Variants in HS6ST3 observed in about 807,000 individuals in gnomAD.
HS6ST3 encodes heparan sulfate 6-O-sulfotransferase 3, also known as heparan-sulfate 6-O-sulfotransferase 3.
Under a neutral mutation model 36.7 loss-of-function variants are expected in HS6ST3, and 12 were observed. That is an observed-to-expected ratio of 0.33 (90% CI 0.21 to 0.53). The LOEUF (loss-of-function observed/expected upper bound fraction) is 0.53. HS6ST3 is among the 20% of genes least tolerant of loss of function. The pLI, the probability that HS6ST3 is intolerant of heterozygous loss-of-function variation, is 0.95. For missense variants in HS6ST3, 584 were observed against 640.9 expected (o/e 0.91, Z 0.96); for synonymous variants, 240 against 257.5 (o/e 0.93, Z 0.65).
chr13:96,729,746 G>A (rs889141315), intron 1 of HS6ST3, among the ~76,000 whole-genome samples: 3 of 152,094 alleles, frequency 2.0e-5, no homozygotes, highest in African/African-American at 4.8e-5. Context: ...GATTACAGGC[G>A]TGAGCAACCA....
chr13:96,540,934 C>T (rs1260322615), intron 1 of HS6ST3, among the ~76,000 whole-genome samples: 1 of 152,144 alleles, frequency 6.6e-6, no homozygotes, highest in Non-Finnish European at 1.5e-5. Context: ...CATCTATGCG[C>T]AGATATATGT....
intron 1 of HS6ST3, among the ~76,000 whole-genome samples, chr13:96,799,986 A>ATATATATATATG (rs1566456853): frequency 7.2e-4 from 89 of 124,232 alleles, no homozygotes; most frequent in African/African-American, 2.6e-3. Flanking sequence ...ATATATGTAT[A>ATATATATATATG]TATATATATA....
At chr13:96,786,652 G>A (rs998472057) in intron 1 of HS6ST3, among the ~76,000 whole-genome samples, 1 of 152,054 alleles carries the variant, frequency 6.6e-6, no homozygotes, top group African/African-American at 2.4e-5. Flanking sequence ...TTGAATAAAA[G>A]TTACATACTT....
At chr13:96,391,083 T>C (rs1346702015) in intron 1 of HS6ST3, among the ~76,000 whole-genome samples, 1 of 152,222 alleles carries the variant, frequency 6.6e-6, no homozygotes, top group East Asian at 1.9e-4. Flanking sequence ...CGTGATCTTT[T>C]GGACTTCCTC....
At chr13:96,644,846 G>A (rs997572901) in intron 1 of HS6ST3, among the ~76,000 whole-genome samples, 2 of 151,882 alleles carry the variant, frequency 1.3e-5, no homozygotes, top group Non-Finnish European at 2.9e-5. Flanking sequence ...CTCTGGAATT[G>A]GTTTTCCCTC....
rs1456633597 is a variant in HS6ST3, at chr13:96,090,666, C to T, written c.-197C>T. Among the ~76,000 whole-genome samples, 1 of 147,212 alleles carries T rather than the reference C, an allele frequency of 6.8e-6. No homozygotes were observed. The highest frequency in any genetic ancestry group is 1.5e-5 in the Non-Finnish European group (1 of 66,264). On this transcript the variant is annotated 5_prime_UTR_variant, in exon 1 of 2. Transcript: ENST00000376705. ...AGCGCGCCGGCGCCCGCCTCCCCCG[C>T]CCGGCTCGCAGGCCCCGGCTCCTCA...
At chr13:96,450,201 T>C (rs1192989023) in intron 1 of HS6ST3, among the ~76,000 whole-genome samples, 1 of 152,202 alleles carries the variant, frequency 6.6e-6, no homozygotes, top group Non-Finnish European at 1.5e-5. Context: ...TATAAATGAG[T>C]TGGCTTGAAC....
At chr13:96,634,442 C>A (rs1294579057) in intron 1 of HS6ST3, among the ~76,000 whole-genome samples, 1 of 152,118 alleles carries the variant, frequency 6.6e-6, no homozygotes, top group Non-Finnish European at 1.5e-5. Context: ...AACCTTTGTC[C>A]AACAAATAAA....
chr13:96,601,372 T>C (rs1385905259), intron 1 of HS6ST3, among the ~76,000 whole-genome samples: 1 of 152,156 alleles, frequency 6.6e-6, no homozygotes, highest in Non-Finnish European at 1.5e-5. Context: ...TTGTAAGTTT[T>C]GTCTTTATTC....
intron 1 of HS6ST3, among the ~76,000 whole-genome samples, chr13:96,737,838 GCTCT>G (rs1876326441): frequency 6.6e-6 from 1 of 151,786 alleles, no homozygotes; most frequent in Non-Finnish European, 1.5e-5. Context: ...TTCACTTTTG[GCTCT>G]GACCCCCCTC....
At chr13:96,265,835 C>T (rs2054689413) in intron 1 of HS6ST3, among the ~76,000 whole-genome samples, 1 of 152,118 alleles carries the variant, frequency 6.6e-6, no homozygotes, top group East Asian at 1.9e-4. Context: ...CATGGTTACT[C>T]AAGATATAAT....
At chr13:96,374,979 A>C (rs2055307698) in intron 1 of HS6ST3, among the ~76,000 whole-genome samples, 1 of 152,136 alleles carries the variant, frequency 6.6e-6, no homozygotes, top group Non-Finnish European at 1.5e-5. Flanking sequence ...CACAGGCCCT[A>C]GGAGGTTGGC....
At chr13:96,597,729 G>C (rs993228040) in intron 1 of HS6ST3, among the ~76,000 whole-genome samples, 2 of 151,552 alleles carry the variant, frequency 1.3e-5, no homozygotes, top group Non-Finnish European at 2.9e-5. Flanking sequence ...GGAGTCTTAA[G>C]TTATAATTTT....
chr13:96,631,290 T>C (rs1027162428), intron 1 of HS6ST3, among the ~76,000 whole-genome samples: 2 of 152,204 alleles, frequency 1.3e-5, no homozygotes, highest in Non-Finnish European at 2.9e-5. Context: ...CTTTGTGCCT[T>C]GATATTGTCT....
chr13:96,706,411 TTTTATA>T (rs1875423517), intron 1 of HS6ST3, among the ~76,000 whole-genome samples: 1 of 99,958 alleles, frequency 1.0e-5, no homozygotes, highest in South Asian at 3.1e-4. Flanking sequence ...ATAGAATATA[TTTTATA>T]TATATATATA....
intron 1 of HS6ST3, among the ~76,000 whole-genome samples, chr13:96,652,007 T>C (rs1457018774): frequency 2.0e-5 from 3 of 152,102 alleles, no homozygotes; most frequent in Non-Finnish European, 4.4e-5. Context: ...TAATACCTGA[T>C]ATATAGTCTC....
intron 1 of HS6ST3, among the ~76,000 whole-genome samples, chr13:96,477,809 G>A: frequency 6.6e-6 from 1 of 152,130 alleles, no homozygotes; most frequent in East Asian, 1.9e-4. Context: ...GGCAAAGGTT[G>A]CAGTGAGCCG....
intron 1 of HS6ST3, among the ~76,000 whole-genome samples, chr13:96,437,821 T>C (rs1439674862): frequency 1.3e-5 from 2 of 152,234 alleles, no homozygotes; most frequent in East Asian, 3.8e-4. Context: ...TTAAATTATT[T>C]TAGGGGAATT....
At chr13:96,422,762 T>C (rs2055567994) in intron 1 of HS6ST3, among the ~76,000 whole-genome samples, 1 of 152,284 alleles carries the variant, frequency 6.6e-6, no homozygotes, top group African/African-American at 2.4e-5. Context: ...AAATGCAAGG[T>C]AACCAAGCAC....
Sources: gnomAD v4.1 joint callset for allele counts (sites outside exome capture counted in the v4.1 genomes callset) on GRCh38, gnomAD v4.1.1 for gene constraint, MANE v1.5 for transcripts, NCBI Gene and HGNC (gene_info 2026-07-23, HGNC 2026-07-21) for gene names.